The following FCRL1 variants were observed in gnomAD, a reference collection of about 807,000 sequenced individuals.
The protein encoded by FCRL1 is Fc receptor like 1, also known as Fc receptor-like protein 1.
FCRL1 carries 34 observed loss-of-function variants against 49.2 expected under a neutral mutation model. The ratio of observed to expected loss-of-function variants is 0.69; its 90% CI spans 0.53 to 0.92. The LOEUF (loss-of-function observed/expected upper bound fraction) is 0.92. FCRL1 is among the 40% of genes least tolerant of loss of function. FCRL1 has a pLI of 0.00. For synonymous variants in FCRL1, 218 were observed against 201.6 expected (o/e 1.08, Z -0.69); for missense variants, 524 against 524.1 (o/e 1.00, Z 0.00).
chr1:157,818,227 C>A (rs1655319461), intron 1 of FCRL1, among the ~76,000 whole-genome samples: 1 of 152,042 alleles, frequency 6.6e-6, no homozygotes, highest in Non-Finnish European at 1.5e-5. Context: ...CAGCACTATT[C>A]ACGATAGCCA....
intron 1 of FCRL1, 128 bp downstream of exon 1, chr1:157,819,879 G>A: frequency 9.5e-7 from 1 of 1,054,410 alleles, no homozygotes; most frequent in East Asian, 2.4e-5. Context: ...CTCCGTGGAA[G>A]TGGAGATCTG....
In FCRL1 at chr1:157,801,530, C is replaced by A; in HGVS notation, c.934G>T (p.Gly312Trp). The change falls in exon 6 of 11, where the codon GGG (glycine) becomes TGG (tryptophan). Residue 312 changes from glycine (G) to tryptophan (W), a missense_variant. Gly to Trp is a radical substitution (Grantham distance 184, BLOSUM62 -2). Coordinates refer to ENST00000368176, the MANE Select transcript of FCRL1 (RefSeq NM_052938.5). ...SNHLTSGVIE[G>W]LLSTLGPATV... The stretch of plus-strand genomic sequence containing the variant: ...GCTGGACCAAGGGTGCTGAGCAGCC[C>A]CTCAATGACTCCTGAGGTAAGATGA... 1 of 1,614,056 alleles carries A rather than the reference C, an allele frequency of 6.2e-7. No homozygotes were observed. The highest frequency in any genetic ancestry group is 8.5e-7 in the Non-Finnish European group (1 of 1,180,010).
At chr1:157,799,167 A>AT (rs996142645) in intron 7 of FCRL1, among the ~76,000 whole-genome samples, 4 of 151,918 alleles carry the variant, frequency 2.6e-5, no homozygotes, top group African/African-American at 9.7e-5. Flanking sequence ...CGTCCAGCTA[A>AT]TTTTTTGTAT....
chr1:157,812,053 C>T (rs1443582520), intron 1 of FCRL1, among the ~76,000 whole-genome samples: 2 of 152,154 alleles, frequency 1.3e-5, no homozygotes, highest in Non-Finnish European at 2.9e-5. Context: ...GCATCCTGCC[C>T]CTAGGGAAGC....
chr1:157,803,972 G>C lies in FCRL1; in HGVS notation c.192C>G (p.Gly64=). The change falls in exon 3 of 11, where the codon GGC becomes GGG. Residue 64 remains glycine, a synonymous_variant. Coordinates refer to ENST00000368176, the MANE Select transcript of FCRL1 (RefSeq NM_052938.5). ...TCTGGAGCTTGGGGGAGCTGCTCCA[G>C]CCTGGGCCCAAGGCCCGGGTGTCTC... ...FFRDTRALGP[G]WSSSPKLQIA... The C allele has an allele frequency of 6.2e-7, 1 of 1,614,222 alleles. No homozygotes were observed. Among genetic ancestry groups the C allele is most frequent in the Non-Finnish European group, 8.5e-7 (1 of 1,180,044 alleles).
At chr1:157,797,620 T>A (rs1651729049) in intron 9 of FCRL1, 1 of 878,408 alleles carries the variant, frequency 1.1e-6, no homozygotes, top group Admixed American at 2.4e-5. Context: ...GGATTTTTGC[T>A]CTTTCTAAGT....
intron 1 of FCRL1, among the ~76,000 whole-genome samples, chr1:157,811,152 G>A (rs2101888517): frequency 6.6e-6 from 1 of 152,238 alleles, no homozygotes; most frequent in East Asian, 1.9e-4. Context: ...TATTTTAAGA[G>A]AAAAGACATT....
intron 1 of FCRL1, 80 bp from the exon 2 acceptor site, chr1:157,807,202 C>T: frequency 6.8e-7 from 1 of 1,464,456 alleles, no homozygotes; most frequent in Non-Finnish European, 9.4e-7. Flanking sequence ...TGAGAGCTTC[C>T]CCAACACCAC....
In FCRL1 at chr1:157,806,111, T is replaced by A. The variant is rs191629536; in HGVS notation, c.52+991A>T. Among the ~76,000 whole-genome samples, 57 of 152,274 alleles carry A rather than the reference T, an allele frequency of 3.7e-4. 1 individual carries two copies. In the East Asian group the frequency reaches 0.011, roughly 29 times the overall value. ...TGGTTTCTTCATCTTTGATATGGCT[T>A]TGGATTTCTGCTTAGGCTGAGATTG... On this transcript the variant is annotated intron_variant, in intron 2 of 10. Transcript: ENST00000368176.
In FCRL1 at chr1:157,802,500, G is replaced by A. The variant is rs1274996225; in HGVS notation, c.484C>T (p.Arg162Cys). 10 of 1,614,016 alleles carry A rather than the reference G, an allele frequency of 6.2e-6. No homozygotes were observed. Among genetic ancestry groups the A allele is most frequent in the Admixed American group, 1.7e-5 (1 of 60,006 alleles). Residue 162 changes from arginine to cysteine, a missense_variant, in exon 4 of 11, where the codon CGT (arginine) becomes TGT (cysteine). Transcript: ENST00000368176. ...ATCTCATACTCTGCTGTCAGTGAAC[G>A]CTGGGTCTTTGACTGAAGGTTTAAA... ...VGLNLQSKTQ[R>C]SLTAEYEIPS...
chr1:157,814,724 A>G (rs1238884260), intron 1 of FCRL1, among the ~76,000 whole-genome samples: 2 of 152,056 alleles, frequency 1.3e-5, no homozygotes, highest in Non-Finnish European at 1.5e-5. Context: ...CCTACAAGAA[A>G]CTCTACCTGT....
chr1:157,811,608 G>C (rs1265771161), intron 1 of FCRL1, among the ~76,000 whole-genome samples: 1 of 152,156 alleles, frequency 6.6e-6, no homozygotes, highest in Admixed American at 6.5e-5. Context: ...TAGAGTAAGA[G>C]CCCATACTGT....
chr1:157,802,396 C>T lies in FCRL1; in HGVS notation c.588G>A (p.Leu196=), dbSNP rs1652678949. ...ENGYGPSPSG[L]VSITVRIPVS... ...ACTTACTTCTGACAGTGATGCTCAC[C>T]AGCCCACTGGGGCTGGGACCATAGC... Residue 196 remains leucine, a synonymous_variant, in exon 4 of 11, where the codon CTG becomes CTA. Transcript: ENST00000368176. The T allele has an allele frequency of 1.2e-6, 2 of 1,614,040 alleles. No homozygotes were observed. Among genetic ancestry groups the T allele is most frequent in the East Asian group, 2.2e-5 (1 of 44,890 alleles).
intron 7 of FCRL1, 43 bp downstream of exon 7, chr1:157,800,015 A>AT (rs749938431): frequency 2.7e-4 from 425 of 1,564,044 alleles, no homozygotes; most frequent in Non-Finnish European, 2.8e-4. Flanking sequence ...TTTAAAATAG[A>AT]TTTTTCTGCA....
In FCRL1 at chr1:157,795,487, G is replaced by A. The variant is rs1325266699; in HGVS notation, c.*612C>T. On this transcript the variant is annotated 3_prime_UTR_variant, in exon 11 of 11. Transcript: ENST00000368176. ...CTGTAATAGATACATAATTTTGGAT[G>A]TGGTATAGGTTGGCCTATATATACA... 6.6e-6 allele frequency: 1 copy of A among 152,274 alleles called. No individual in the cohort carries two copies. The highest frequency in any genetic ancestry group is 2.4e-5 in the African/African-American group (1 of 41,460). 9.4% of individuals were successfully genotyped at this position (152,274 alleles called of 1,614,324 possible). A position where few individuals can be genotyped will look rare whatever the true frequency, so the allele number is the denominator to read the frequency against.
intron 3 of FCRL1, among the ~76,000 whole-genome samples, chr1:157,803,287 A>G (rs745712011): frequency 2.0e-5 from 3 of 152,214 alleles, no homozygotes; most frequent in African/African-American, 7.2e-5. Context: ...GCTTCATGGC[A>G]CGACAGAATG....
chr1:157,807,021 C>T (rs1653575825), intron 2 of FCRL1, 81 bp downstream of exon 2: 3 of 1,519,660 alleles, frequency 2.0e-6, no homozygotes, highest in Admixed American at 1.7e-5. Flanking sequence ...GCTGCTAAGA[C>T]AGCAATCTGC....
chr1:157,804,249 C>G (rs60412463), intron 2 of FCRL1, 138 bp from the exon 3 acceptor site: 48 of 978,806 alleles, frequency 4.9e-5, no homozygotes, highest in South Asian at 8.6e-5. Context: ...TGTCTCCACC[C>G]CCCCCCCAGT....
intron 1 of FCRL1, among the ~76,000 whole-genome samples, chr1:157,816,322 C>A (rs1255190042): frequency 6.6e-6 from 1 of 151,830 alleles, no homozygotes; most frequent in Non-Finnish European, 1.5e-5. Context: ...TGATACATCA[C>A]ATTAACAAAA....
Sources: gnomAD v4.1 joint callset for allele counts (sites outside exome capture counted in the v4.1 genomes callset) on GRCh38, gnomAD v4.1.1 for gene constraint, MANE v1.5 for transcripts, NCBI Gene and HGNC (gene_info 2026-07-23, HGNC 2026-07-21) for gene names.